Variants in DNM2 observed in about 807,000 individuals in gnomAD.
The protein encoded by DNM2 is dynamin-2.
Under a neutral mutation model 99.0 loss-of-function variants are expected in DNM2, and 15 were observed. The observed-to-expected ratio is 0.15, with a 90% CI of 0.10 to 0.23. The LOEUF (loss-of-function observed/expected upper bound fraction) is 0.23, where lower values mean the gene tolerates loss of function less well. Among genes scored for constraint, DNM2 ranks in the 10% least tolerant of loss-of-function variants. The pLI, the probability that DNM2 is intolerant of heterozygous loss-of-function variation, is 1.00. For synonymous variants in DNM2, 525 were observed against 481.2 expected, an observed-to-expected ratio of 1.09 and a Z score of -1.19; for missense variants, 742 against 1,189.4, an observed-to-expected ratio of 0.62 and a Z score of 5.53.
At chr19:10,729,127 T>C (rs1220225795) in intron 1 of DNM2, among the ~76,000 whole-genome samples, 1 of 93,958 alleles carries the variant, frequency 1.1e-5, no homozygotes, top group Non-Finnish European at 2.0e-5. Flanking sequence ...ATCGCACCAC[T>C]GCACTCCAGC....
intron 1 of DNM2, among the ~76,000 whole-genome samples, chr19:10,746,391 G>A (rs534998762): frequency 6.6e-6 from 1 of 152,278 alleles, no homozygotes; most frequent in African/African-American, 2.4e-5. Flanking sequence ...GTTATGAGCA[G>A]AGGAGGGTCA....
chr19:10,788,218 G>A (rs868341829), intron 7 of DNM2, among the ~76,000 whole-genome samples: 1 of 147,104 alleles, frequency 6.8e-6, no homozygotes, highest in Non-Finnish European at 1.5e-5. Context: ...GGGCAACAGA[G>A]TAAGACTCCG....
chr19:10,741,388 C>T (rs1184550617), intron 1 of DNM2, among the ~76,000 whole-genome samples: 2 of 151,518 alleles, frequency 1.3e-5, no homozygotes, highest in East Asian at 1.9e-4. Context: ...TGTGCCACAC[C>T]CGACTAATTT....
In DNM2 at chr19:10,811,769, G is replaced by A. The variant is rs1309670260; in HGVS notation, c.1558-495G>A. On this transcript the variant is annotated intron_variant, in intron 14 of 20. Coordinates refer to ENST00000389253, the MANE Select transcript of DNM2 (RefSeq NM_001005361.3). This position sits in a 1 kb window ranked among gnomAD's most constrained non-coding sequence, Gnocchi z 5.4. ...GTCTCCCAGCCTGAAACCCTGATGT[G>A]TCAGTCAAAAGGATGACCACCAGGC... The A allele has an allele frequency of 1.3e-5, 7 of 518,554 alleles. No homozygotes were observed. Among genetic ancestry groups the A allele is most frequent in the South Asian group, 8.4e-5 (6 of 71,514 alleles). The allele number at this position is 518,554 out of a possible 1,614,324, so 32.1% of individuals were successfully genotyped here.
intron 2 of DNM2, among the ~76,000 whole-genome samples, chr19:10,760,815 C>G (rs186120007): frequency 1.1e-4 from 2 of 18,432 alleles, no homozygotes; most frequent in Admixed American, 1.4e-3. Flanking sequence ...CACACACCAC[C>G]ACACCCAGCT....
intron 15 of DNM2, among the ~76,000 whole-genome samples, chr19:10,814,478 C>A (rs2072667132): frequency 6.6e-6 from 1 of 151,988 alleles, no homozygotes; most frequent in South Asian, 2.1e-4. Flanking sequence ...GAAAAAAAAA[C>A]ACCAGACAAT....
Position 10,718,229 on chromosome 19 carries a change from G to GGGCCGCC in DNM2, c.-10_-4dup. On this transcript the variant is annotated 5_prime_UTR_variant, in exon 1 of 21. Coordinates refer to ENST00000389253, the MANE Select transcript of DNM2 (RefSeq NM_001005361.3). ...GAGGAGCGCAGGGCGCTCGGGCCGG[G>GGGCCGCC]GGCCGCCGGCGCCATGGGCAACCGC... 6.8e-7 allele frequency: 1 copy of GGGCCGCC among 1,464,814 alleles called. No homozygotes were observed. Among genetic ancestry groups the GGGCCGCC allele is most frequent in the Non-Finnish European group, 9.0e-7 (1 of 1,105,602 alleles). The allele number at this position is 1,464,814 out of a possible 1,614,324, so 90.7% of individuals were successfully genotyped here.
At position 10,805,802 on chromosome 19, in the gene DNM2, TCTAC is replaced by T. The variant is rs2072313039; in HGVS notation, c.1494-111_1494-108del. 31 of 1,351,908 alleles carry T rather than the reference TCTAC, an allele frequency of 2.3e-5. No individual in the cohort carries two copies. The South Asian group carries it at 3.4e-4, about 15-fold the overall frequency. The allele number at this position is 1,351,908 out of a possible 1,614,324, so 83.7% of individuals were successfully genotyped here. A position where few individuals can be genotyped will look rare whatever the true frequency, so the allele number is the denominator to read the frequency against. ...TGTGTGCAGGGGGCTTCTCTCTGCC[TCTAC>T]CTGTGGCTGCTCACTTGGTCCCCAG... On this transcript the variant is annotated intron_variant, in intron 12 of 20. Coordinates refer to ENST00000389253, the MANE Select transcript of DNM2 (RefSeq NM_001005361.3).
intron 1 of DNM2, among the ~76,000 whole-genome samples, chr19:10,746,020 A>G (rs541939119): frequency 3.9e-4 from 59 of 152,290 alleles, no homozygotes; most frequent in African/African-American, 1.3e-3. Flanking sequence ...GTGCAGTGGC[A>G]TGATCTTGGC....
chr19:10,826,137 G>C lies in DNM2; in HGVS notation c.2058+916G>C, dbSNP rs74526696. On this transcript the variant is annotated intron_variant, in intron 18 of 20. Coordinates refer to ENST00000389253, the MANE Select transcript of DNM2 (RefSeq NM_001005361.3). ...ACCCTAGGGTTTCCGAGCCACACTG[G>C]GTCCATAGTCCCATCAAGTCCACTA... Among the ~76,000 whole-genome samples, 743 of 152,220 alleles carry C rather than the reference G, an allele frequency of 4.9e-3. 8 individuals are homozygous for C. Among genetic ancestry groups the C allele is most frequent in the African/African-American group, 0.017 (718 of 41,528 alleles).
chr19:10,800,308 T>A (rs1314960058), intron 11 of DNM2, among the ~76,000 whole-genome samples: 14 of 150,398 alleles, frequency 9.3e-5, no homozygotes, highest in Non-Finnish European at 1.8e-4. Flanking sequence ...ATGGGCTCAT[T>A]TGTCCTGCAG....
At chr19:10,802,157 CCT>C (rs1292247209) in intron 11 of DNM2, 129 bp from the exon 12 acceptor site, 2 of 896,888 alleles carry the variant, frequency 2.2e-6, no homozygotes, top group African/African-American at 3.3e-5. Flanking sequence ...GACGCCAGCC[CCT>C]GTTCTCCTGT....
At position 10,796,126 on chromosome 19, in the gene DNM2, A is replaced by G. The variant is rs1464141692; in HGVS notation, c.1196+687A>G. The G allele has an allele frequency of 6.2e-7, 1 of 1,614,166 alleles. No homozygotes were observed. The highest frequency in any genetic ancestry group is 2.2e-5 in the East Asian group (1 of 44,882). Reference sequence around the variant, plus strand: ...GTGAAAAAGCAGGTCGTCAAGCTGAAAGAGCCCTGTCTGAAATGTGTCGAC... The same window carrying G: ...GTGAAAAAGCAGGTCGTCAAGCTGAGAGAGCCCTGTCTGAAATGTGTCGAC... On this transcript the variant is annotated intron_variant, in intron 9 of 20. Transcript: ENST00000389253. The surrounding 1 kb of genome is among the most constrained non-coding windows in gnomAD (Gnocchi z 5.6).
At position 10,803,701 on chromosome 19, in the gene DNM2, G is replaced by T. The variant is rs577761971; in HGVS notation, c.1493+1343G>T. The T allele has an allele frequency of 4.1e-6, 4 of 986,210 alleles. No homozygotes were observed. The East Asian group carries it at 4.5e-4, about 112-fold the overall frequency. 61.1% of individuals were successfully genotyped at this position (986,210 alleles called of 1,614,324 possible). A position where few individuals can be genotyped will look rare whatever the true frequency, so the allele number is the denominator to read the frequency against. ...TTGCCTGCTGTGTGCCTTTGCCCTG[G>T]TGTGTGAACGGGGTACGCCCTGGCT... On this transcript the variant is annotated intron_variant, in intron 12 of 20. Coordinates refer to ENST00000389253, the MANE Select transcript of DNM2 (RefSeq NM_001005361.3).
At chr19:10,726,229 AATT>A (rs2069111976) in intron 1 of DNM2, among the ~76,000 whole-genome samples, 1 of 116,004 alleles carries the variant, frequency 8.6e-6, no homozygotes, top group Admixed American at 9.4e-5. Context: ...AAAAAAAAAA[AATT>A]TTTTTTTTTT....
Position 10,772,064 on chromosome 19 carries a change from A to C in DNM2, c.236-415A>C, listed in dbSNP as rs1335840109. On this transcript the variant is annotated intron_variant, in intron 2 of 20. Coordinates refer to ENST00000389253, the MANE Select transcript of DNM2 (RefSeq NM_001005361.3). This position sits in a 1 kb window ranked among gnomAD's most constrained non-coding sequence, Gnocchi z 4.9. ...GGGTCATTATTTTCTTTTTTATTTT[A>C]TTTTATTTTATTTTATTTATTTTTT... Among the ~76,000 whole-genome samples the C allele has an allele frequency of 2.0e-5, 3 of 148,778 alleles. No homozygotes were observed. The highest frequency in any genetic ancestry group is 4.3e-4 in the South Asian group (2 of 4,666).
chr19:10,799,378 G>A (rs1168466417), intron 11 of DNM2, among the ~76,000 whole-genome samples: 2 of 144,600 alleles, frequency 1.4e-5, no homozygotes, highest in Non-Finnish European at 3.0e-5. Context: ...CCCTCCCCTC[G>A]GCGTCTGCAT....
intron 1 of DNM2, among the ~76,000 whole-genome samples, chr19:10,740,970 G>A (rs1331616168): frequency 2.0e-5 from 3 of 152,154 alleles, no homozygotes; most frequent in Non-Finnish European, 4.4e-5. Flanking sequence ...AAATTATTGA[G>A]TCATGTTTTA....
intron 5 of DNM2, chr19:10,781,442 C>T (rs564964814): frequency 6.9e-6 from 1 of 145,916 alleles, no homozygotes; most frequent in South Asian, 2.3e-4. Flanking sequence ...TGACCGGCAC[C>T]TCTCCCTTGC....
Sources: allele counts gnomAD v4.1 joint callset (sites outside exome capture counted in the v4.1 genomes callset), GRCh38; gene constraint gnomAD v4.1.1; non-coding constraint Gnocchi (gnomAD v3.1); transcripts MANE v1.5; gene names NCBI Gene and HGNC (gene_info 2026-07-23, HGNC 2026-07-21).